LIMS4: variants seen among roughly 807,000 people sequenced by gnomAD.
LIMS4 encodes LIM zinc finger domain containing 4.
chr2:110,453,549 A>AT (rs1235717583), intron 5 of LIMS4, among the ~76,000 whole-genome samples: 34 of 117,748 alleles, frequency 2.9e-4, no homozygotes, highest in Non-Finnish European at 4.3e-4. Context: ...TATTTTTTTA[A>AT]TTTTTTTTTG....
the LIMS4 span, among the ~76,000 whole-genome samples, chr2:110,425,045 A>G: frequency 1.4e-5 from 2 of 142,998 alleles, no homozygotes; most frequent in African/African-American, 2.9e-5. Context: ...TGTTTTCACA[A>G]TAAACCTTGC....
chr2:110,422,877 G>GACTGTGCCAGGCACTGTGCCAGGC, the LIMS4 span, among the ~76,000 whole-genome samples: 119 of 122,010 alleles, frequency 9.8e-4, no homozygotes, highest in Admixed American at 2.0e-3. Flanking sequence ...TGGCTGTCAT[G>GACTGTGCCAGGCACTGTGCCAGGC]ACTGTGCCAG....
the LIMS4 span, among the ~76,000 whole-genome samples, chr2:110,392,446 A>AAGAAAG: frequency 2.9e-4 from 37 of 128,704 alleles, no homozygotes; most frequent in African/African-American, 9.7e-4. Flanking sequence ...CAAAAAAAAA[A>AAGAAAG]AAAGAAAGAA....
the LIMS4 span, among the ~76,000 whole-genome samples, chr2:110,396,119 C>A: frequency 8.3e-6 from 1 of 121,118 alleles, no homozygotes. Context: ...ACCAGGCACC[C>A]CTGGCACAGA....
At chr2:110,368,788 C>T in the LIMS4 span, among the ~76,000 whole-genome samples, 1 of 136,740 alleles carries the variant, frequency 7.3e-6, no homozygotes, top group South Asian at 2.4e-4. Flanking sequence ...CCTGCACATA[C>T]GGTGGCATGG....
chr2:110,424,504 C>A, the LIMS4 span, among the ~76,000 whole-genome samples: 1 of 142,502 alleles, frequency 7.0e-6, no homozygotes, highest in Non-Finnish European at 1.5e-5. Context: ...TAAGCCCTGG[C>A]GGGCAAAGCA....
At chr2:110,382,569 C>A in the LIMS4 span, 1 of 39,192 alleles carries the variant, frequency 2.6e-5, no homozygotes, top group Non-Finnish European at 4.7e-5. Flanking sequence ...ACGCTCAGAG[C>A]AGCATTATTT....
the LIMS4 span, chr2:110,360,985 C>T: frequency 8.2e-6 from 13 of 1,576,834 alleles, no homozygotes; most frequent in South Asian, 1.1e-5. Flanking sequence ...ACACGGCACA[C>T]TTGTGAACCT....
chr2:110,425,134 A>T, the LIMS4 span, among the ~76,000 whole-genome samples: 4 of 143,184 alleles, frequency 2.8e-5, 1 homozygote, highest in South Asian at 8.6e-4. Context: ...AAGACCAGGA[A>T]CCCACCGGAA....
chr2:110,365,990 G>C, the LIMS4 span, among the ~76,000 whole-genome samples: 1 of 151,156 alleles, frequency 6.6e-6, no homozygotes, highest in Non-Finnish European at 1.5e-5. Flanking sequence ...CTGAAACCCT[G>C]AACAGACTAA....
At chr2:110,371,237 GAAA>G in the LIMS4 span, among the ~76,000 whole-genome samples, 1,110 of 81,592 alleles carry the variant, frequency 0.014, no homozygotes, top group East Asian at 0.022. Flanking sequence ...CTATTAATGA[GAAA>G]AAAAAAAAAA....
At chr2:110,371,249 A>C in the LIMS4 span, among the ~76,000 whole-genome samples, 858 of 128,332 alleles carry the variant, frequency 6.7e-3, 131 homozygotes, top group African/African-American at 0.028. Context: ...AAAAAAAAAA[A>C]AAAAAACAAG....
chr2:110,359,779 A>G, the LIMS4 span, among the ~76,000 whole-genome samples: 3 of 59,968 alleles, frequency 5.0e-5, no homozygotes, highest in East Asian at 6.1e-4. Context: ...CGTATTTGTA[A>G]CTTTTACAGT....
downstream of LIMS4, among the ~76,000 whole-genome samples, chr2:110,442,662 C>CAG (rs1322075121): frequency 7.1e-6 from 1 of 141,372 alleles, no homozygotes; most frequent in Non-Finnish European, 1.5e-5. Context: ...TATATACACA[C>CAG]ATATATATAT....
chr2:110,365,731 A>G, the LIMS4 span, among the ~76,000 whole-genome samples: 1 of 135,014 alleles, frequency 7.4e-6, no homozygotes, highest in Non-Finnish European at 1.5e-5. Context: ...ACAAAAGATC[A>G]ATAAAACCAG....
chr2:110,397,260 T>A, the LIMS4 span: 18 of 127,208 alleles, frequency 1.4e-4, no homozygotes, highest in South Asian at 5.4e-4. Flanking sequence ...ACAAGATTTT[T>A]AAAAAATCTC....
the LIMS4 span, among the ~76,000 whole-genome samples, chr2:110,366,872 T>TCAG: frequency 2.0e-5 from 3 of 149,666 alleles, no homozygotes; most frequent in Non-Finnish European, 2.9e-5. Context: ...GGTACACAAA[T>TCAG]CAGCAGTATT....
chr2:110,367,659 C>T, the LIMS4 span, among the ~76,000 whole-genome samples: 1 of 145,594 alleles, frequency 6.9e-6, no homozygotes, highest in Admixed American at 6.7e-5. Flanking sequence ...GGTGGATCAC[C>T]TGAGCTAAGG....
At chr2:110,371,240 A>G in the LIMS4 span, among the ~76,000 whole-genome samples, 1 of 92,978 alleles carries the variant, frequency 1.1e-5, no homozygotes, top group Non-Finnish European at 2.3e-5. Context: ...TTAATGAGAA[A>G]AAAAAAAAAA....
Sources: gnomAD v4.1 joint callset for allele counts (sites outside exome capture counted in the v4.1 genomes callset) on GRCh38, gnomAD v4.1.1 for gene constraint, MANE v1.5 for transcripts, NCBI Gene and HGNC (gene_info 2026-07-23, HGNC 2026-07-21) for gene names.